ARRB2: variants seen among roughly 807,000 people sequenced by gnomAD.
ARRB2 encodes the protein beta-arrestin-2.
Under a neutral mutation model 53.4 loss-of-function variants are expected in ARRB2, and 21 were observed. That is an observed-to-expected ratio of 0.39 (90% confidence interval 0.28 to 0.57). ARRB2 has a LOEUF of 0.57. Among genes scored for constraint, ARRB2 ranks in the 20% least tolerant of loss-of-function variants. The probability of loss-of-function intolerance (pLI) is 0.55; values close to 1 mark genes in which losing one functional copy is unlikely to be tolerated. For synonymous variants in ARRB2, 180 were observed against 212.9 expected, an observed-to-expected ratio of 0.85 and a Z score of 1.34; for missense variants, 369 against 527.5, an observed-to-expected ratio of 0.70 and a Z score of 2.94.
At chr17:4,716,761 G>C (rs2150593533) in intron 5 of ARRB2, 153 bp downstream of exon 5, 1 of 1,384,890 alleles carries the variant, frequency 7.2e-7, no homozygotes, top group East Asian at 2.5e-5. Flanking sequence ...CATTCAGGAA[G>C]CCCTTGATTA....
In ARRB2 at chr17:4,718,250, C is replaced by A; in HGVS notation, c.622-11C>A. 1.9e-6 allele frequency: 3 copies of A among 1,608,072 alleles called. No individual in the cohort carries two copies. The highest frequency in any genetic ancestry group is 2.5e-6 in the Non-Finnish European group (3 of 1,176,782). On this transcript the variant is annotated splice_polypyrimidine_tract_variant and intron_variant, in intron 8 of 14. Transcript: ENST00000269260. ...CCAGTTCCAATTCACATGACCCCCT[C>A]CCCCCAAAAGCTGTACTACCATGGG... is the stretch of plus-strand genomic sequence containing the variant.
intron 1 of ARRB2, 105 bp from the exon 2 acceptor site, chr17:4,714,908 G>A (rs1279007281): frequency 8.2e-7 from 1 of 1,220,300 alleles, no homozygotes; most frequent in African/African-American, 1.5e-5. Flanking sequence ...CAGGCAGGAG[G>A]CCTGGGTGAG....
At chr17:4,718,956 T>C (rs949863579) in intron 10 of ARRB2, among the ~76,000 whole-genome samples, 2 of 152,100 alleles carry the variant, frequency 1.3e-5, no homozygotes, top group African/African-American at 2.4e-5. Flanking sequence ...TTATTTTTAA[T>C]AGAGACGAGG....
intron 11 of ARRB2, 61 bp downstream of exon 11, chr17:4,719,481 C>G: frequency 6.3e-7 from 1 of 1,589,722 alleles, no homozygotes; most frequent in Non-Finnish European, 8.6e-7. Context: ...GTTCAGTGCT[C>G]TATCCTAGTG....
chr17:4,715,374 A>G (rs1914844113), intron 2 of ARRB2: 1 of 401,942 alleles, frequency 2.5e-6, no homozygotes, highest in Non-Finnish European at 4.5e-6. Context: ...CCCCCGGGCT[A>G]TGGCCTATTT....
chr17:4,711,013 C>G lies in ARRB2; in HGVS notation c.23+269C>G, dbSNP rs138045442. Among the ~76,000 whole-genome samples, 342 of 152,110 alleles carry G rather than the reference C, an allele frequency of 2.2e-3. 2 individuals carry two copies. The highest frequency in any genetic ancestry group is 0.011 in the East Asian group (59 of 5,142). On this transcript the variant is annotated intron_variant, in intron 1 of 14. Coordinates refer to ENST00000269260, the MANE Select transcript of ARRB2 (RefSeq NM_004313.4). Reference sequence around the variant, plus strand: ...GGATGTGGGGCCAGACTACTGGGCTCTCCCGTGCAGGCTGCGATGCAGGGA... The same window carrying G: ...GGATGTGGGGCCAGACTACTGGGCTGTCCCGTGCAGGCTGCGATGCAGGGA...
At position 4,716,185 on chromosome 17, in the gene ARRB2, C is replaced by T. The variant is rs373913798; in HGVS notation, c.154C>T (p.Arg52Cys). The T allele has an allele frequency of 1.2e-5, 19 of 1,613,928 alleles. No homozygotes were observed. The highest frequency in any genetic ancestry group is 5.3e-5 in the African/African-American group (4 of 74,904). The change falls in exon 4 of 15, where the codon CGC (arginine) becomes TGC (cysteine). Residue 52 changes from arginine to cysteine, a missense_variant. Transcript: ENST00000269260. The stretch of plus-strand genomic sequence containing the variant: ...TGTGGACCCTGACTACCTGAAGGAC[C>T]GCAAAGGTACTGGCCCCAAGTCCAG... ...VLVDPDYLKDRKVFVTLTCAF... is the reference protein window; with the variant it reads ...VLVDPDYLKDCKVFVTLTCAF...
intron 1 of ARRB2, 126 bp downstream of exon 1, chr17:4,710,870 A>G (rs1314441902): frequency 2.6e-6 from 1 of 391,256 alleles, no homozygotes; most frequent in Non-Finnish European, 4.5e-6. Context: ...AGGGACAGCC[A>G]TCCGGGGCCG....
chr17:4,721,183 C>A lies in ARRB2; in HGVS notation c.*144C>A. On this transcript the variant is annotated 3_prime_UTR_variant, in exon 15 of 15. Transcript: ENST00000269260. The surrounding 1 kb of genome is among the most constrained non-coding windows in gnomAD (Gnocchi z 4.2). ...TCTTCAACCAATCCCTTCACACTCTCTCCCCCATCCCCCCAAGATACACAC... is the reference window on the plus strand; with the variant it reads ...TCTTCAACCAATCCCTTCACACTCTATCCCCCATCCCCCCAAGATACACAC... The A allele has an allele frequency of 1.3e-6, 1 of 766,038 alleles. No individual in the cohort carries two copies. 47.5% of individuals were successfully genotyped at this position (766,038 alleles called of 1,614,324 possible).
intron 5 of ARRB2, 113 bp downstream of exon 5, chr17:4,716,721 C>G: frequency 2.1e-6 from 3 of 1,456,728 alleles, no homozygotes; most frequent in Non-Finnish European, 2.7e-6. Flanking sequence ...GGCAGGGACC[C>G]TAGATCCACT....
chr17:4,717,401 C>A lies in ARRB2; in HGVS notation c.417+125C>A, dbSNP rs1915184388. ...GGTGGGGCCGAGGGTAGGCCAGTGTCCCCCGTGGAAGTGGGGCGTATGTGG... is the reference window on the plus strand; with the variant it reads ...GGTGGGGCCGAGGGTAGGCCAGTGTACCCCGTGGAAGTGGGGCGTATGTGG... On this transcript the variant is annotated intron_variant, in intron 6 of 14. Transcript: ENST00000269260. This position sits in a 1 kb window ranked among gnomAD's most constrained non-coding sequence, Gnocchi z 6.0. 2 of 1,256,292 alleles carry A rather than the reference C, an allele frequency of 1.6e-6. No individual in the cohort carries two copies. Among genetic ancestry groups the A allele is most frequent in the Non-Finnish European group, 1.2e-6 (1 of 862,896 alleles). 77.8% of individuals were successfully genotyped at this position (1,256,292 alleles called of 1,614,324 possible).
intron 1 of ARRB2, among the ~76,000 whole-genome samples, chr17:4,711,515 C>G (rs909376488): frequency 2.0e-5 from 3 of 152,050 alleles, no homozygotes; most frequent in Non-Finnish European, 2.9e-5. Context: ...GAGCAAAAGA[C>G]GAAAAGGTTG....
intron 2 of ARRB2, chr17:4,715,519 C>CACACACA: frequency 5.3e-6 from 1 of 189,280 alleles, no homozygotes; most frequent in Non-Finnish European, 1.0e-5. Flanking sequence ...ACACACACAC[C>CACACACA]TGGCTGGTTG....
chr17:4,718,864 C>A (rs889162717), intron 10 of ARRB2, among the ~76,000 whole-genome samples, 180 bp downstream of exon 10: 2 of 151,712 alleles, frequency 1.3e-5, no homozygotes, highest in African/African-American at 4.9e-5. Context: ...TCACTGCAAC[C>A]TCCACCTCCC....
chr17:4,720,065 G>T, intron 11 of ARRB2, 151 bp from the exon 12 acceptor site: 1 of 730,936 alleles, frequency 1.4e-6, no homozygotes, highest in Non-Finnish European at 2.3e-6. Flanking sequence ...AGTGCAGTGC[G>T]CACTGTACCA....
intron 1 of ARRB2, among the ~76,000 whole-genome samples, chr17:4,712,969 T>A (rs1281694100): frequency 6.8e-6 from 1 of 146,250 alleles, no homozygotes; most frequent in Non-Finnish European, 1.5e-5. Context: ...TGGGTGGTTT[T>A]ATTTAATTTA....
In ARRB2 at chr17:4,721,181, C is replaced by A. The variant is rs1352432210; in HGVS notation, c.*142C>A. 5.1e-6 allele frequency: 4 copies of A among 782,826 alleles called. No individual in the cohort carries two copies. Among genetic ancestry groups the A allele is most frequent in the Non-Finnish European group, 8.2e-6 (4 of 489,206 alleles). 48.5% of individuals were successfully genotyped at this position (782,826 alleles called of 1,614,324 possible). A position where few individuals can be genotyped will look rare whatever the true frequency, so the allele number is the denominator to read the frequency against. On this transcript the variant is annotated 3_prime_UTR_variant, in exon 15 of 15. Coordinates refer to ENST00000269260, the MANE Select transcript of ARRB2 (RefSeq NM_004313.4). This position sits in a 1 kb window ranked among gnomAD's most constrained non-coding sequence, Gnocchi z 4.2. ...CTTCTTCAACCAATCCCTTCACACT[C>A]TCTCCCCCATCCCCCCAAGATACAC... is the stretch of plus-strand genomic sequence containing the variant.
At position 4,717,471 on chromosome 17, in the gene ARRB2, G is replaced by A. The variant is rs186413241; in HGVS notation, c.417+195G>A. On this transcript the variant is annotated intron_variant, in intron 6 of 14. Coordinates refer to ENST00000269260, the MANE Select transcript of ARRB2 (RefSeq NM_004313.4). This position sits in a 1 kb window ranked among gnomAD's most constrained non-coding sequence, Gnocchi z 6.0. ...ACACTGCCTCCTGCTCTGTGGACCC[G>A]CATGGATCTGGGGATGGGGGCTCCC... 72 of 861,916 alleles carry A rather than the reference G, an allele frequency of 8.4e-5. No individual in the cohort carries two copies. The highest frequency in any genetic ancestry group is 8.2e-5 in the Non-Finnish European group (45 of 548,598). The allele number at this position is 861,916 out of a possible 1,614,324, so 53.4% of individuals were successfully genotyped here.
intron 3 of ARRB2, 25 bp from the exon 4 acceptor site, chr17:4,716,122 G>A (rs1915003978): frequency 6.2e-7 from 1 of 1,614,098 alleles, no homozygotes; most frequent in South Asian, 1.1e-5. Flanking sequence ...CTTTCAGGAA[G>A]TGAGCTGGTG....
Sources: allele counts gnomAD v4.1 joint callset (sites outside exome capture counted in the v4.1 genomes callset), GRCh38; gene constraint gnomAD v4.1.1; non-coding constraint Gnocchi (gnomAD v3.1); transcripts MANE v1.5; gene names NCBI Gene and HGNC (gene_info 2026-07-23, HGNC 2026-07-21).